PLXNA4: variants seen among roughly 807,000 people sequenced by gnomAD.
The protein encoded by PLXNA4 is plexin-A4.
Under a neutral mutation model 191.8 loss-of-function variants are expected in PLXNA4, and 44 were observed. The observed-to-expected ratio is 0.23, with a 90% CI of 0.18 to 0.29. PLXNA4 has a LOEUF of 0.29. Among genes scored for constraint, PLXNA4 ranks in the 10% least tolerant of loss-of-function variants. PLXNA4 has a pLI of 1.00. For synonymous variants in PLXNA4, 1,082 were observed against 1,009.5 expected (o/e 1.07, Z -1.36); for missense variants, 1,800 against 2,488.8 (o/e 0.72, Z 5.89).
intron 3 of PLXNA4, among the ~76,000 whole-genome samples, chr7:132,349,408 C>G (rs1000410114): frequency 6.6e-6 from 1 of 152,236 alleles, no homozygotes; most frequent in East Asian, 1.9e-4. Context: ...GCAACCCTGC[C>G]TGGTGTGTGC....
At chr7:132,203,544 G>A in intron 10 of PLXNA4, 125 bp from the exon 11 acceptor site, 1 of 769,412 alleles carries the variant, frequency 1.3e-6, no homozygotes, top group South Asian at 1.6e-5. Context: ...GACTGTGCTT[G>A]TGTGCATGTG....
intron 4 of PLXNA4, among the ~76,000 whole-genome samples, chr7:132,244,866 A>C (rs1005459946): frequency 4.6e-5 from 7 of 152,222 alleles, no homozygotes; most frequent in Non-Finnish European, 7.3e-5. Flanking sequence ...GCTTAGTATA[A>C]ATGTATTCCC....
chr7:132,385,991 A>G (rs2116965193), intron 3 of PLXNA4, among the ~76,000 whole-genome samples: 1 of 152,356 alleles, frequency 6.6e-6, no homozygotes, highest in Non-Finnish European at 1.5e-5. Flanking sequence ...ATTCAATATC[A>G]GCCCCTTTTC....
intron 21 of PLXNA4, among the ~76,000 whole-genome samples, chr7:132,173,499 C>A (rs1452612201): frequency 6.6e-6 from 1 of 152,174 alleles, no homozygotes; most frequent in Non-Finnish European, 1.5e-5. Flanking sequence ...AGCTGAGGAG[C>A]CAAAGGGAGC....
chr7:132,612,903 TC>T (rs1803081120), intron 2 of PLXNA4, among the ~76,000 whole-genome samples: 1 of 151,908 alleles, frequency 6.6e-6, no homozygotes, highest in South Asian at 2.1e-4. Context: ...CAAAAGGGCA[TC>T]AAAATGAGAT....
chr7:132,172,553 G>C (rs1012374954), intron 21 of PLXNA4, among the ~76,000 whole-genome samples: 1 of 149,420 alleles, frequency 6.7e-6, no homozygotes, highest in Non-Finnish European at 1.5e-5. Flanking sequence ...CACCAAGGGG[G>C]AGAAACTACT....
Position 132,130,417 on chromosome 7 carries a change from T to C in PLXNA4, c.*62A>G. 1 of 1,610,888 alleles carries C rather than the reference T, an allele frequency of 6.2e-7. No homozygotes were observed. The highest frequency in any genetic ancestry group is 1.7e-5 in the Admixed American group (1 of 59,886). On this transcript the variant is annotated 3_prime_UTR_variant, in exon 32 of 32. Coordinates refer to ENST00000321063, the MANE Select transcript of PLXNA4 (RefSeq NM_020911.2). ...CGGAACTTGCACTTGGTAAAGATGA[T>C]AATCTAGACTGAGGCACGGCTTGGT... is the stretch of plus-strand genomic sequence containing the variant.
intron 31 of PLXNA4, among the ~76,000 whole-genome samples, chr7:132,132,506 TA>T (rs1308498319): frequency 5.5e-4 from 64 of 117,036 alleles, no homozygotes; most frequent in African/African-American, 1.3e-3. Context: ...TTTTCTATTC[TA>T]TTCTATTCTA....
intron 1 of PLXNA4, among the ~76,000 whole-genome samples, chr7:132,562,740 T>C (rs1199132754): frequency 1.7e-5 from 2 of 121,084 alleles, no homozygotes; most frequent in African/African-American, 3.5e-5. Context: ...CTCCTCCTTC[T>C]CCTCCTCCTT....
rs113407478 is a variant in PLXNA4, at chr7:132,271,477, C to A, written c.1503+26614G>T. On this transcript the variant is annotated intron_variant, in intron 4 of 31. Transcript: ENST00000321063. ...CATACCTGACAATGTCCCCTCCCTCCACCCCAGTGGTTACTGGTACCTAGC... is the reference window on the plus strand; with the variant it reads ...CATACCTGACAATGTCCCCTCCCTCAACCCCAGTGGTTACTGGTACCTAGC... Among the ~76,000 whole-genome samples the A allele has an allele frequency of 1.3e-3, 194 of 151,746 alleles. 1 individual carries two copies. The highest frequency in any genetic ancestry group is 4.6e-3 in the African/African-American group (191 of 41,368).
chr7:132,374,908 C>T (rs1255702198), intron 3 of PLXNA4, among the ~76,000 whole-genome samples: 4 of 152,174 alleles, frequency 2.6e-5, no homozygotes, highest in Non-Finnish European at 4.4e-5. Flanking sequence ...TTACAACTAC[C>T]CTGTCTGCTG....
At chr7:132,459,983 A>G (rs986604339) in intron 3 of PLXNA4, among the ~76,000 whole-genome samples, 3 of 151,356 alleles carry the variant, frequency 2.0e-5, no homozygotes, top group Non-Finnish European at 2.9e-5. Flanking sequence ...AGCATATAAT[A>G]CCAGTACCCA....
chr7:132,273,795 A>C (rs922418037), intron 4 of PLXNA4, among the ~76,000 whole-genome samples: 1 of 152,248 alleles, frequency 6.6e-6, no homozygotes, highest in Non-Finnish European at 1.5e-5. Context: ...GACAGCCTCC[A>C]GCTTTTAAAG....
chr7:132,220,304 T>G (rs1051860537), intron 9 of PLXNA4, among the ~76,000 whole-genome samples: 3 of 152,186 alleles, frequency 2.0e-5, no homozygotes, highest in Non-Finnish European at 4.4e-5. Flanking sequence ...GGTGGCCAAC[T>G]CTGGTTCACC....
intron 2 of PLXNA4, among the ~76,000 whole-genome samples, chr7:132,631,038 G>A (rs34799272): frequency 0.013 from 1,934 of 152,310 alleles, 18 homozygotes; most frequent in Middle Eastern, 0.034. Flanking sequence ...GAATTAACAT[G>A]TGTATTCGTA....
intron 1 of PLXNA4, among the ~76,000 whole-genome samples, chr7:132,562,614 CTCCTCT>C: frequency 1.6e-5 from 2 of 122,396 alleles, no homozygotes; most frequent in East Asian, 2.6e-4. Context: ...CCTCCTTCTC[CTCCTCT>C]TCCTCCTCCT....
At chr7:132,321,520 G>A (rs1802164922) in intron 3 of PLXNA4, among the ~76,000 whole-genome samples, 1 of 152,096 alleles carries the variant, frequency 6.6e-6, no homozygotes, top group Admixed American at 6.5e-5. Flanking sequence ...GGTCACCTCT[G>A]ACATCTGCTG....
intron 4 of PLXNA4, among the ~76,000 whole-genome samples, chr7:132,250,654 G>A (rs954118388): frequency 1.3e-5 from 2 of 152,206 alleles, no homozygotes; most frequent in African/African-American, 4.8e-5. Flanking sequence ...TTTGACAGAG[G>A]AGACTGCAGC....
At chr7:132,569,600 A>G (rs181990438) in intron 1 of PLXNA4, among the ~76,000 whole-genome samples, 1 of 152,354 alleles carries the variant, frequency 6.6e-6, no homozygotes, top group Non-Finnish European at 1.5e-5. Flanking sequence ...TAAACAATAA[A>G]CTGAAACATA....
Sources: allele counts gnomAD v4.1 joint callset (sites outside exome capture counted in the v4.1 genomes callset), GRCh38; gene constraint gnomAD v4.1.1; transcripts MANE v1.5; gene names NCBI Gene and HGNC (gene_info 2026-07-23, HGNC 2026-07-21).